CES5A: variants seen among roughly 807,000 people sequenced by gnomAD.
CES5A encodes the protein carboxylesterase 5A, also known as carboxylesterase 5.
A neutral mutation model predicts 62.9 loss-of-function variants in CES5A; 67 were observed. The observed-to-expected ratio is 1.07, with a 90% CI of 0.88 to 1.31. The LOEUF is 1.31. Among genes scored for constraint, CES5A ranks in the 50% most tolerant of loss-of-function variants. The pLI, the probability that CES5A is intolerant of heterozygous loss-of-function variation, is 0.00. For missense variants in CES5A, 748 were observed against 708.5 expected (o/e 1.06, Z -0.63); for synonymous variants, 296 against 280.8 (o/e 1.05, Z -0.54).
At chr16:55,953,527 A>C (rs772608244) in intron 1 of CES5A, among the ~76,000 whole-genome samples, 12 of 152,118 alleles carry the variant, frequency 7.9e-5, no homozygotes, top group Non-Finnish European at 1.6e-4. Flanking sequence ...TAGAATATAT[A>C]TTTTATGACC....
intron 3 of CES5A, among the ~76,000 whole-genome samples, chr16:55,870,295 G>C (rs1362421013): frequency 6.6e-6 from 1 of 151,642 alleles, no homozygotes; most frequent in African/African-American, 2.4e-5. Flanking sequence ...GGTGAGAGGA[G>C]GAGGGGGAAG....
intron 10 of CES5A, among the ~76,000 whole-genome samples, chr16:55,850,557 T>C (rs1225241403): frequency 1.3e-5 from 2 of 152,370 alleles, no homozygotes; most frequent in East Asian, 3.9e-4. Flanking sequence ...CCGTCCGTAT[T>C]TCATTTCTTT....
chr16:55,908,734 T>G (rs1440141492), intron 1 of CES5A, among the ~76,000 whole-genome samples: 1 of 152,200 alleles, frequency 6.6e-6, no homozygotes, highest in Non-Finnish European at 1.5e-5. Flanking sequence ...TGAGGTGACC[T>G]GCAATTCCCG....
chr16:55,917,508 G>A (rs556958854), intron 1 of CES5A, among the ~76,000 whole-genome samples: 2 of 152,190 alleles, frequency 1.3e-5, no homozygotes, highest in Non-Finnish European at 2.9e-5. Flanking sequence ...TTCTGTTCCT[G>A]GTAGGTCATT....
intron 2 of CES5A, among the ~76,000 whole-genome samples, chr16:55,941,467 G>A (rs1170160446): frequency 6.6e-6 from 1 of 151,952 alleles, no homozygotes; most frequent in Non-Finnish European, 1.5e-5. Flanking sequence ...GGTTAAAGAA[G>A]ACCTCAATAA....
At chr16:55,945,913 G>C (rs961753707) in intron 2 of CES5A, among the ~76,000 whole-genome samples, 6 of 152,060 alleles carry the variant, frequency 3.9e-5, no homozygotes, top group African/African-American at 9.7e-5. Flanking sequence ...GAACACTACA[G>C]TCCCTCTCCC....
At chr16:55,929,408 G>A (rs558252934), upstream of CES5A, among the ~76,000 whole-genome samples, 3 of 152,176 alleles carry the variant, frequency 2.0e-5, no homozygotes, top group African/African-American at 4.8e-5. Flanking sequence ...ATGCCTGCCC[G>A]TACATCCCCT....
At chr16:55,873,695 C>G (rs1266183594) in intron 2 of CES5A, 138 bp downstream of exon 2, 1 of 769,604 alleles carries the variant, frequency 1.3e-6, no homozygotes, top group Non-Finnish European at 2.1e-6. Flanking sequence ...TACCAAACCA[C>G]TCGCCCGAGT....
At chr16:55,954,515 A>T (rs2034589134) in intron 1 of CES5A, among the ~76,000 whole-genome samples, 1 of 152,194 alleles carries the variant, frequency 6.6e-6, no homozygotes, top group South Asian at 2.1e-4. Context: ...GAACATTTTT[A>T]AACCACTTTT....
intron 1 of CES5A, among the ~76,000 whole-genome samples, chr16:55,953,215 C>T (rs1264171083): frequency 6.6e-6 from 1 of 152,108 alleles, no homozygotes; most frequent in Non-Finnish European, 1.5e-5. Context: ...ACAATAGACC[C>T]ACAGTGTACA....
chr16:55,858,567 A>G (rs780592170), intron 8 of CES5A, among the ~76,000 whole-genome samples: 8 of 152,190 alleles, frequency 5.3e-5, no homozygotes, highest in Non-Finnish European at 1.0e-4. Context: ...ACTTCAAAAC[A>G]TTGCCCTGGA....
chr16:55,908,869 C>G lies in CES5A; in HGVS notation c.-256+16454G>C, dbSNP rs535434933. Among the ~76,000 whole-genome samples, 3 of 152,338 alleles carry G rather than the reference C, an allele frequency of 2.0e-5. No individual in the cohort carries two copies. In the East Asian group the frequency reaches 5.8e-4, roughly 29 times the overall value. On this transcript the variant is annotated intron_variant, in intron 1 of 12. Transcript: ENST00000518005. ...TTTCCACCTGCAGTGGACATGGTCA[C>G]TTAGTACCAGCTCCAGAGTGGCTCC...
chr16:55,899,851 A>G (rs1395592871), intron 1 of CES5A, among the ~76,000 whole-genome samples: 1 of 152,168 alleles, frequency 6.6e-6, no homozygotes, highest in Non-Finnish European at 1.5e-5. Context: ...GGCTAAACAT[A>G]TGATATTGTC....
At chr16:55,899,177 A>G (rs190088699) in intron 1 of CES5A, among the ~76,000 whole-genome samples, 27 of 152,226 alleles carry the variant, frequency 1.8e-4, no homozygotes, top group Non-Finnish European at 1.3e-4. Context: ...TAACATCTCA[A>G]AGGTCCTGAA....
intron 2 of CES5A, among the ~76,000 whole-genome samples, chr16:55,932,233 G>GCAGAGAGT (rs1403803065): frequency 6.6e-6 from 1 of 152,160 alleles, no homozygotes. Flanking sequence ...TCAGGACTCT[G>GCAGAGAGT]CAGAGAGTCT....
At chr16:55,918,866 T>A (rs1013522057) in intron 1 of CES5A, among the ~76,000 whole-genome samples, 1 of 152,230 alleles carries the variant, frequency 6.6e-6, no homozygotes, top group African/African-American at 2.4e-5. Flanking sequence ...TGAGCATTCA[T>A]GGTTCTTAGC....
rs16955812 is a variant in CES5A at position 55,846,769 on chromosome 16, C to T, written c.1495G>A (p.Gly499Arg). ...GGGGAGACCGGGAGGTTTACTTACCCGGTTCGAGCAAAGGTAGCCCAGTAT... is the reference window on the plus strand; with the variant it reads ...GGGGAGACCGGGAGGTTTACTTACCTGGTTCGAGCAAAGGTAGCCCAGTAT... ...MKYWATFART[G>R]NPNGNDLSLW... is the part of the protein sequence containing the mutation. The change falls in exon 12 of 13, where the codon GGG (glycine) becomes AGG (arginine). Residue 499 changes from glycine to arginine, a missense_variant and splice_region_variant. By Grantham distance (125) the Gly-to-Arg change is moderately radical (BLOSUM62 -2). Coordinates refer to ENST00000290567, the MANE Select transcript of CES5A (RefSeq NM_001143685.2). The T allele has an allele frequency of 3.3e-3, 5,257 of 1,614,078 alleles. 136 individuals are homozygous for T. The African/African-American group carries it at 0.061, about 19-fold the overall frequency.
At chr16:55,891,215 G>C (rs2033873596) in intron 1 of CES5A, among the ~76,000 whole-genome samples, 1 of 152,182 alleles carries the variant, frequency 6.6e-6, no homozygotes, top group African/African-American at 2.4e-5. Flanking sequence ...GAATGACACA[G>C]CTGCAGGAGC....
intron 2 of CES5A, 41 bp from the exon 3 acceptor site, chr16:55,871,804 A>T (rs2033594878): frequency 1.9e-6 from 3 of 1,607,904 alleles, no homozygotes; most frequent in Non-Finnish European, 2.6e-6. Flanking sequence ...AAAAGTTATC[A>T]GCAAACTTGC....
Sources: allele counts gnomAD v4.1 joint callset (sites outside exome capture counted in the v4.1 genomes callset), GRCh38; gene constraint gnomAD v4.1.1; transcripts MANE v1.5; gene names NCBI Gene and HGNC (gene_info 2026-07-23, HGNC 2026-07-21).